FARSB: variants seen among roughly 807,000 people sequenced by gnomAD.
FARSB encodes phenylalanyl-tRNA synthetase subunit beta, also known as phenylalanine--tRNA ligase beta subunit.
A neutral mutation model predicts 69.6 loss-of-function variants in FARSB; 40 were observed. The observed-to-expected ratio is 0.57, with a 90% CI of 0.45 to 0.75. The LOEUF is 0.75. Among genes scored for constraint, FARSB ranks in the 30% least tolerant of loss-of-function variants. The probability of loss-of-function intolerance (pLI) is 0.00; values close to 1 mark genes in which losing one functional copy is unlikely to be tolerated. For synonymous variants in FARSB, 235 were observed against 247.2 expected (o/e 0.95, Z 0.46); for missense variants, 632 against 722.9 (o/e 0.87, Z 1.44).
intron 12 of FARSB, 82 bp downstream of exon 12, chr2:222,624,190 G>A (rs899166031): frequency 2.2e-5 from 20 of 910,364 alleles, no homozygotes; most frequent in East Asian, 1.4e-4. Context: ...TGATTCCTAC[G>A]TTCTGTTTTC....
At chr2:222,588,669 A>T (rs1483460804) in intron 16 of FARSB, among the ~76,000 whole-genome samples, 3 of 152,244 alleles carry the variant, frequency 2.0e-5, no homozygotes, top group African/African-American at 7.2e-5. Flanking sequence ...AAGTCTCAGG[A>T]TATAAAATCA....
chr2:222,646,274 T>TAC (rs1277323896), intron 2 of FARSB, among the ~76,000 whole-genome samples: 1 of 152,198 alleles, frequency 6.6e-6, no homozygotes, highest in Non-Finnish European at 1.5e-5. Flanking sequence ...TACTTCCCGG[T>TAC]ACTGCCTGCC....
chr2:222,646,399 T>C (rs374314992), intron 2 of FARSB, among the ~76,000 whole-genome samples: 3 of 152,360 alleles, frequency 2.0e-5, no homozygotes, highest in African/African-American at 7.2e-5. Context: ...CTTCTGAGAC[T>C]ATAAGTTTAC....
rs552852769 is a variant in FARSB at position 222,568,233 on chromosome 2, GT to G, written c.*3637del. ...ACTCAGTAAGGCCACAGTTTGCAGA[GT>G]TTTTTTAAAGTATTGGACTTAACAA... On this transcript the variant is annotated 3_prime_UTR_variant, in exon 17 of 17. Coordinates refer to ENST00000281828, the MANE Select transcript of FARSB (RefSeq NM_005687.5). This position sits in a 1 kb window ranked among gnomAD's most constrained non-coding sequence, Gnocchi z 4.3. The G allele has an allele frequency of 3.1e-3, 466 of 152,176 alleles. 3 individuals are homozygous for G. The highest frequency in any genetic ancestry group is 0.011 in the African/African-American group (442 of 41,540). 9.4% of individuals were successfully genotyped at this position (152,176 alleles called of 1,614,324 possible). A position where few individuals can be genotyped will look rare whatever the true frequency, so the allele number is the denominator to read the frequency against.
In FARSB at chr2:222,623,570, C is replaced by T. The variant is rs1267663238; in HGVS notation, c.1251+80G>A. The T allele has an allele frequency of 1.2e-5, 10 of 851,806 alleles. No homozygotes were observed. The East Asian group carries it at 2.4e-4, about 21-fold the overall frequency. 52.8% of individuals were successfully genotyped at this position (851,806 alleles called of 1,614,324 possible). A position where few individuals can be genotyped will look rare whatever the true frequency, so the allele number is the denominator to read the frequency against. ...TCTAACAGTCTAGATTTTATAAATT[C>T]TTATAAAGCATCATAGAATAAATAA... On this transcript the variant is annotated intron_variant, in intron 13 of 16. Transcript: ENST00000281828.
chr2:222,615,199 T>C (rs1690966086), intron 14 of FARSB, among the ~76,000 whole-genome samples: 1 of 152,230 alleles, frequency 6.6e-6, no homozygotes, highest in South Asian at 2.1e-4. Context: ...AAGAGTTTTA[T>C]AAGCAGTGGT....
At chr2:222,612,044 AACAAT>A (rs1459662422) in intron 15 of FARSB, among the ~76,000 whole-genome samples, 1 of 152,234 alleles carries the variant, frequency 6.6e-6, no homozygotes, top group Non-Finnish European at 1.5e-5. Context: ...CAAGGATCAA[AACAAT>A]ACAAAACCCA....
intron 1 of FARSB, among the ~76,000 whole-genome samples, chr2:222,649,757 A>G (rs1691980133): frequency 6.6e-6 from 1 of 152,246 alleles, no homozygotes; most frequent in Admixed American, 6.5e-5. Flanking sequence ...AGCAATTAAT[A>G]AAATAAGTTC....
Position 222,639,587 on chromosome 2 carries a change from T to TAGA in FARSB, c.447_448insTCT (p.Asn149_Ile150insSer), listed in dbSNP as rs1559214329. On this transcript the variant is annotated inframe_insertion, in exon 5 of 17. Coordinates refer to ENST00000281828, the MANE Select transcript of FARSB (RefSeq NM_005687.5). The stretch of plus-strand genomic sequence containing the variant: ...GAAAATGCAACCACAAACCTGCAAA[T>TAGA]ATTCTGATGTAATTTCTCCTGAAGT... The TAGA allele has an allele frequency of 1.3e-6, 2 of 1,532,358 alleles. No homozygotes were observed. Among genetic ancestry groups the TAGA allele is most frequent in the South Asian group, 2.4e-5 (2 of 83,992 alleles). The allele number at this position is 1,532,358 out of a possible 1,614,324, so 94.9% of individuals were successfully genotyped here. A position where few individuals can be genotyped will look rare whatever the true frequency, so the allele number is the denominator to read the frequency against.
rs746490674 is a variant in FARSB, at chr2:222,623,635, G to C, written c.1251+15C>G. On this transcript the variant is annotated intron_variant, in intron 13 of 16. Transcript: ENST00000281828. ...GTAAATAATCATCTGGGCAGAAAAA[G>C]CATGTAAGACATACCAGGGCAAAGG... is the stretch of plus-strand genomic sequence containing the variant. The C allele has an allele frequency of 6.9e-7, 1 of 1,445,668 alleles. No individual in the cohort carries two copies. Among genetic ancestry groups the C allele is most frequent in the Non-Finnish European group, 9.7e-7 (1 of 1,026,382 alleles). The allele number at this position is 1,445,668 out of a possible 1,614,324, so 89.6% of individuals were successfully genotyped here.
chr2:222,601,009 T>C (rs958094621), intron 15 of FARSB, among the ~76,000 whole-genome samples: 3 of 152,214 alleles, frequency 2.0e-5, no homozygotes, highest in African/African-American at 7.2e-5. Context: ...CTAAATTAAA[T>C]AAGCCACTCA....
At chr2:222,587,688 C>G (rs1195806148) in intron 16 of FARSB, among the ~76,000 whole-genome samples, 1 of 152,138 alleles carries the variant, frequency 6.6e-6, no homozygotes, top group African/African-American at 2.4e-5. Context: ...CACCACCGAT[C>G]CCACAGAAAT....
intron 5 of FARSB, among the ~76,000 whole-genome samples, chr2:222,638,796 T>C (rs1241263748): frequency 6.6e-6 from 1 of 152,242 alleles, no homozygotes; most frequent in Non-Finnish European, 1.5e-5. Flanking sequence ...TCTATTTTTA[T>C]TTGAGACATA....
chr2:222,618,955 A>G (rs1401441943), intron 14 of FARSB, among the ~76,000 whole-genome samples: 1 of 152,142 alleles, frequency 6.6e-6, no homozygotes, highest in African/African-American at 2.4e-5. Context: ...AGCCTCGCCA[A>G]CATGGTGAAA....
intron 15 of FARSB, among the ~76,000 whole-genome samples, chr2:222,609,143 T>C (rs1040881783): frequency 1.3e-5 from 2 of 152,238 alleles, no homozygotes; most frequent in African/African-American, 2.4e-5. Context: ...TCTATCTATA[T>C]ACATTGGCAG....
intron 10 of FARSB, among the ~76,000 whole-genome samples, chr2:222,627,066 A>T (rs542139918): frequency 6.6e-6 from 1 of 152,214 alleles, no homozygotes; most frequent in African/African-American, 2.4e-5. Flanking sequence ...AAGAAAAAGA[A>T]ACTTTTCTCT....
intron 16 of FARSB, among the ~76,000 whole-genome samples, chr2:222,579,984 A>G (rs1304391314): frequency 6.6e-6 from 1 of 152,232 alleles, no homozygotes; most frequent in African/African-American, 2.4e-5. Context: ...TAAGTCTTTA[A>G]TAACATGGAT....
At chr2:222,586,238 G>T (rs1365921712) in intron 16 of FARSB, among the ~76,000 whole-genome samples, 1 of 152,186 alleles carries the variant, frequency 6.6e-6, no homozygotes, top group African/African-American at 2.4e-5. Context: ...TTTCTACCCA[G>T]AATTTCATAT....
At chr2:222,640,122 A>C (rs896546379) in intron 4 of FARSB, among the ~76,000 whole-genome samples, 6 of 152,202 alleles carry the variant, frequency 3.9e-5, no homozygotes, top group Admixed American at 3.3e-4. Flanking sequence ...TTAAAAAAAA[A>C]TGTTTTTTTA....
Sources: gnomAD v4.1 joint callset for allele counts (sites outside exome capture counted in the v4.1 genomes callset) on GRCh38, gnomAD v4.1.1 for gene constraint, Gnocchi (gnomAD v3.1) non-coding constraint, MANE v1.5 for transcripts, NCBI Gene and HGNC (gene_info 2026-07-23, HGNC 2026-07-21) for gene names.